The following NOXA1 variants were observed in gnomAD, a reference collection of about 807,000 sequenced individuals.
NOXA1 encodes the protein NCF2-like protein.
Under a neutral mutation model 64.8 loss-of-function variants are expected in NOXA1, and 56 were observed. The ratio of observed to expected loss-of-function variants is 0.86; its 90% confidence interval spans 0.70 to 1.08. The LOEUF (loss-of-function observed/expected upper bound fraction) is 1.08. NOXA1 is among the 50% of genes least tolerant of loss of function. The pLI is 0.00. For synonymous variants in NOXA1, 295 were observed against 294.8 expected (o/e 1.00, Z -0.01); for missense variants, 668 against 658.5 (o/e 1.01, Z -0.16).
At chr9:137,428,687 C>T (rs1838948700) in intron 3 of NOXA1, among the ~76,000 whole-genome samples, 195 bp from the exon 4 acceptor site, 1 of 132,604 alleles carries the variant, frequency 7.5e-6, no homozygotes, top group Admixed American at 7.7e-5. Flanking sequence ...GGGAGAGGAG[C>T]TGGGTGGGGA....
chr9:137,429,133 G>A, intron 4 of NOXA1, 117 bp downstream of exon 4: 2 of 1,399,764 alleles, frequency 1.4e-6, no homozygotes, highest in Non-Finnish European at 1.9e-6. Context: ...CCAGTTTCGG[G>A]TGCCAGGCGG....
In NOXA1 at chr9:137,432,735, T is replaced by C. The variant is rs530676714; in HGVS notation, c.805-294T>C. On this transcript the variant is annotated intron_variant, in intron 8 of 13. Transcript: ENST00000683555. Reference sequence around the variant, plus strand: ...CAGAGGCCGGGGCCCAGGGACTGGGTCCTCAGCTTCCTGGGGTCACTGGGG... The same window carrying C: ...CAGAGGCCGGGGCCCAGGGACTGGGCCCTCAGCTTCCTGGGGTCACTGGGG... 1.5e-3 allele frequency among the ~76,000 whole-genome samples: 235 copies of C among 152,262 alleles called. 1 individual carries two copies. Among genetic ancestry groups the C allele is most frequent in the Middle Eastern group, 3.4e-3 (1 of 294 alleles).
In NOXA1 at chr9:137,433,612, G is replaced by T; in HGVS notation, c.1064+5G>T. On this transcript the variant is annotated splice_donor_5th_base_variant and intron_variant, in intron 11 of 13. Coordinates refer to ENST00000683555, the MANE Select transcript of NOXA1 (RefSeq NM_001256067.2). The stretch of plus-strand genomic sequence containing the variant: ...GGCCCAGCTTGGGCAACTCAGGTGG[G>T]CCAGAAAGCCCCCGGTGGCTGCGGT... 1 of 1,543,288 alleles carries T rather than the reference G, an allele frequency of 6.5e-7. No homozygotes were observed. Among genetic ancestry groups the T allele is most frequent in the East Asian group, 2.4e-5 (1 of 41,108 alleles).
chr9:137,425,042 T>A (rs965067626), intron 1 of NOXA1, among the ~76,000 whole-genome samples: 1 of 152,214 alleles, frequency 6.6e-6, no homozygotes, highest in Admixed American at 6.5e-5. Context: ...GAGCCTTGCG[T>A]GACGTTTGGG....
Position 137,426,596 on chromosome 9 carries a change from C to T in NOXA1, c.260+266C>T, listed in dbSNP as rs139214802. On this transcript the variant is annotated intron_variant, in intron 2 of 13. Transcript: ENST00000683555. ...TAAAGGAGGAATGAGGGAAAGGAGACCATCGGGACTGCAGACCAGGCCATG... is the reference window on the plus strand; with the variant it reads ...TAAAGGAGGAATGAGGGAAAGGAGATCATCGGGACTGCAGACCAGGCCATG... 8.5e-5 allele frequency among the ~76,000 whole-genome samples: 13 copies of T among 152,276 alleles called. No individual in the cohort carries two copies. In the East Asian group the frequency reaches 2.1e-3, roughly 25 times the overall value.
rs184240760 is a variant in NOXA1, at chr9:137,433,927, G to A, written c.1180-38G>A. On this transcript the variant is annotated intron_variant, in intron 12 of 13. Coordinates refer to ENST00000683555, the MANE Select transcript of NOXA1 (RefSeq NM_001256067.2). ...GGGGCGGTGGAGGCCCCTCCTCCCAGTGCCCGGCCCGACCTGCAGCCCACT... is the reference window on the plus strand; with the variant it reads ...GGGGCGGTGGAGGCCCCTCCTCCCAATGCCCGGCCCGACCTGCAGCCCACT... The A allele has an allele frequency of 1.3e-4, 201 of 1,519,020 alleles. 1 individual carries two copies. In the East Asian group the frequency reaches 4.6e-3, roughly 35 times the overall value. 94.1% of individuals were successfully genotyped at this position (1,519,020 alleles called of 1,614,324 possible). A position where few individuals can be genotyped will look rare whatever the true frequency, so the allele number is the denominator to read the frequency against.
chr9:137,426,473 C>A, intron 2 of NOXA1, 143 bp downstream of exon 2: 1 of 691,870 alleles, frequency 1.4e-6, no homozygotes, highest in South Asian at 1.7e-5. Context: ...TCCAGGGAAA[C>A]CTGAGACTGT....
Position 137,426,276 on chromosome 9 carries a change from C to T in NOXA1, c.206C>T (p.Thr69Ile), listed in dbSNP as rs762628955. Residue 69 changes from threonine to isoleucine, a missense_variant, in exon 2 of 14, where the codon ACC (threonine) becomes ATC (isoleucine). Thr to Ile is a moderately conservative substitution (Grantham distance 89). Transcript: ENST00000683555. ...TTTGACCAAGCCGTGACCAAGGACA[C>T]CTGCATGGCGGTTGGCTTCTTCCAG... is the stretch of plus-strand genomic sequence containing the variant. ...RAFDQAVTKD[T>I]CMAVGFFQRG... The T allele has an allele frequency of 6.2e-7, 1 of 1,613,838 alleles. No individual in the cohort carries two copies. The highest frequency in any genetic ancestry group is 1.7e-5 in the Admixed American group (1 of 60,028).
chr9:137,431,284 C>G lies in NOXA1; in HGVS notation c.747C>G (p.Leu249=), dbSNP rs1312700642. The G allele has an allele frequency of 2.5e-6, 4 of 1,612,566 alleles. No homozygotes were observed. The highest frequency in any genetic ancestry group is 3.4e-6 in the Non-Finnish European group (4 of 1,179,968). Residue 249 remains leucine (L), a synonymous_variant, in exon 8 of 14, where the codon CTC becomes CTG. Transcript: ENST00000683555. The surrounding 1 kb of genome is among the most constrained non-coding windows in gnomAD (Gnocchi z 5.6). ...GAGCTGGCACCCACCAGGGCCCCCT[C>G]GATGCAGAGACAGAGGTCGGTGCTG... is the stretch of plus-strand genomic sequence containing the variant. The part of the protein sequence containing the change: ...SPRAGTHQGP[L]DAETEVGADR...
intron 5 of NOXA1, 73 bp downstream of exon 5, chr9:137,429,456 G>T (rs975332664): frequency 9.2e-7 from 1 of 1,081,130 alleles, no homozygotes; most frequent in Non-Finnish European, 1.4e-6. Context: ...CAGGGATGGG[G>T]GGAGGTGCAG....
At chr9:137,427,938 T>G in intron 2 of NOXA1, 95 bp from the exon 3 acceptor site, 7 of 780,198 alleles carry the variant, frequency 9.0e-6, no homozygotes, top group Non-Finnish European at 1.5e-5. Flanking sequence ...TGGAACCAGG[T>G]GTTGGGGGCG....
In NOXA1 at chr9:137,431,353, TG is replaced by T; in HGVS notation, c.804+15del. The T allele has an allele frequency of 6.2e-7, 1 of 1,600,318 alleles. No individual in the cohort carries two copies. Among genetic ancestry groups the T allele is most frequent in the Non-Finnish European group, 8.5e-7 (1 of 1,175,522 alleles). Reference sequence around the variant, plus strand: ...CCTACCAGGAGCAGGTGCGTGGGCCTGGGCCTCTTCCCCTGCTGGGGGTCGG... The same window carrying T: ...CCTACCAGGAGCAGGTGCGTGGGCCTGGCCTCTTCCCCTGCTGGGGGTCGG... On this transcript the variant is annotated intron_variant, in intron 8 of 13. Transcript: ENST00000683555. This position sits in a 1 kb window ranked among gnomAD's most constrained non-coding sequence, Gnocchi z 5.6.
intron 2 of NOXA1, among the ~76,000 whole-genome samples, chr9:137,427,210 T>C (rs532209226): frequency 6.6e-6 from 1 of 152,282 alleles, no homozygotes; most frequent in East Asian, 1.9e-4. Context: ...CACAAATTCA[T>C]GCACGCTAGC....
Position 137,423,649 on chromosome 9 carries a change from GT to G in NOXA1, c.121del (p.Cys41AlafsTer25). On this transcript the variant is annotated frameshift_variant, in exon 1 of 14. Coordinates refer to ENST00000683555, the MANE Select transcript of NOXA1 (RefSeq NM_001256067.2). LOFTEE classifies it high-confidence loss of function. ...GCGTCCCGGCGCCGCCCGCCAGGCT[GT>G]GCTTCAACGCGGGCTGCGTGCACCT... The part of the protein sequence containing the change: ...SGVPAPPARL[C>X]FNAGCVHLLA... 1.4e-6 allele frequency: 2 copies of G among 1,421,188 alleles called. No individual in the cohort carries two copies. Among genetic ancestry groups the G allele is most frequent in the Non-Finnish European group, 1.8e-6 (2 of 1,084,334 alleles). The allele number at this position is 1,421,188 out of a possible 1,614,324, so 88.0% of individuals were successfully genotyped here. A position where few individuals can be genotyped will look rare whatever the true frequency, so the allele number is the denominator to read the frequency against.
rs778082768 is a variant in NOXA1, at chr9:137,433,241, G to C, written c.887G>C (p.Cys296Ser). 19 of 1,599,758 alleles carry C rather than the reference G, an allele frequency of 1.2e-5. No individual in the cohort carries two copies. Among genetic ancestry groups the C allele is most frequent in the Non-Finnish European group, 1.6e-5 (19 of 1,174,614 alleles). ...PAMGGPGPGP[C>S]EDPAGAGGAG... is the part of the protein sequence containing the mutation. ...ATGGGGGGGCCTGGCCCCGGCCCCT[G>C]TGAGGACCCCGCGGGTGCTGGGGTA... The change falls in exon 10 of 14, where the codon TGT (cysteine) becomes TCT (serine). Residue 296 changes from cysteine (C) to serine (S), a missense_variant. Cys to Ser is a moderately radical substitution (Grantham distance 112, BLOSUM62 -1). Coordinates refer to ENST00000683555, the MANE Select transcript of NOXA1 (RefSeq NM_001256067.2).
At chr9:137,430,970 C>T (rs1457405799) in intron 6 of NOXA1, 105 bp from the exon 7 acceptor site, 2 of 1,577,514 alleles carry the variant, frequency 1.3e-6, no homozygotes, top group Non-Finnish European at 1.7e-6. Flanking sequence ...GGGTGGCCAT[C>T]CCATCCCTGT....
At position 137,433,798 on chromosome 9, in the gene NOXA1, G is replaced by A; in HGVS notation, c.1113G>A (p.Glu371=). 3 of 1,454,060 alleles carry A rather than the reference G, an allele frequency of 2.1e-6. No homozygotes were observed. The highest frequency in any genetic ancestry group is 2.7e-6 in the Non-Finnish European group (3 of 1,100,086). The allele number at this position is 1,454,060 out of a possible 1,614,324, so 90.1% of individuals were successfully genotyped here. The stretch of plus-strand genomic sequence containing the variant: ...GGCACTGGGTCCCCATCCCCGAGGA[G>A]GAGTCGCTGCAGAGGGCCTGGCAGG... ...EDGHWVPIPE[E]ESLQRAWQDA... The change falls in exon 12 of 14, where the codon GAG becomes GAA. Residue 371 remains glutamate, a synonymous_variant. Coordinates refer to ENST00000683555, the MANE Select transcript of NOXA1 (RefSeq NM_001256067.2).
chr9:137,430,866 C>T, intron 6 of NOXA1, 23 bp downstream of exon 6: 1 of 1,565,932 alleles, frequency 6.4e-7, no homozygotes, highest in Non-Finnish European at 8.6e-7. Context: ...CCCCTCAGAC[C>T]CCTGCCTGGC....
Position 137,433,234 on chromosome 9 carries a change from G to A in NOXA1, c.880G>A (p.Gly294Ser), listed in dbSNP as rs772216723. The change falls in exon 10 of 14, where the codon GGC (glycine) becomes AGC (serine). Residue 294 changes from glycine to serine, a missense_variant. Coordinates refer to ENST00000683555, the MANE Select transcript of NOXA1 (RefSeq NM_001256067.2). The part of the protein sequence containing the change: ...GLPAMGGPGP[G>S]PCEDPAGAGG... ...GCCGGCAATGGGGGGGCCTGGCCCC[G>A]GCCCCTGTGAGGACCCCGCGGGTGC... The A allele has an allele frequency of 4.1e-5, 66 of 1,602,308 alleles. No homozygotes were observed. In the African/African-American group the frequency reaches 4.7e-4, roughly 11 times the overall value.
Sources: gnomAD v4.1 joint callset for allele counts (sites outside exome capture counted in the v4.1 genomes callset) on GRCh38, gnomAD v4.1.1 for gene constraint, Gnocchi (gnomAD v3.1) non-coding constraint, MANE v1.5 for transcripts, NCBI Gene and HGNC (gene_info 2026-07-23, HGNC 2026-07-21) for gene names.